Variants in CPS1 observed in about 807,000 individuals in gnomAD.
CPS1 encodes the protein carbamoyl-phosphate synthase 1.
Under a neutral mutation model 174.6 loss-of-function variants are expected in CPS1, and 109 were observed. The ratio of observed to expected loss-of-function variants is 0.62; its 90% CI spans 0.53 to 0.73. The LOEUF is 0.73. Ranked by LOEUF, CPS1 falls within the 30% of genes least tolerant of loss-of-function variation. The probability of loss-of-function intolerance (pLI) is 0.00; values close to 1 mark genes in which losing one functional copy is unlikely to be tolerated. For synonymous variants in CPS1, 637 were observed against 632.0 expected, an observed-to-expected ratio of 1.01 and a Z score of -0.12; for missense variants, 1,689 against 1,821.9, an observed-to-expected ratio of 0.93 and a Z score of 1.33.
At chr2:210,660,458 T>C (rs1700880723) in intron 31 of CPS1, 27 bp from the exon 32 acceptor site, 1 of 1,611,248 alleles carries the variant, frequency 6.2e-7, no homozygotes, top group South Asian at 1.1e-5. Flanking sequence ...AATGTCCTCT[T>C]TCTCATTTTG....
chr2:210,511,464 A>G (rs1033465626), intron 1 of CPS1, among the ~76,000 whole-genome samples: 1 of 152,104 alleles, frequency 6.6e-6, no homozygotes, highest in African/African-American at 2.4e-5. Flanking sequence ...GCACACCAAC[A>G]TGGCACATGT....
intron 13 of CPS1, among the ~76,000 whole-genome samples, chr2:210,599,070 T>G (rs1698607278): frequency 6.6e-6 from 1 of 151,938 alleles, no homozygotes; most frequent in South Asian, 2.1e-4. Flanking sequence ...CAGTAATATT[T>G]GTGGCTCTCT....
chr2:210,615,589 C>T (rs369419451), intron 20 of CPS1, among the ~76,000 whole-genome samples: 2 of 151,938 alleles, frequency 1.3e-5, no homozygotes, highest in African/African-American at 2.4e-5. Context: ...AGGGTATATA[C>T]ACGTACACAT....
intron 1 of CPS1, among the ~76,000 whole-genome samples, chr2:210,507,362 G>A (rs1695316781): frequency 6.6e-6 from 1 of 152,088 alleles, no homozygotes; most frequent in Admixed American, 6.5e-5. Flanking sequence ...TGCCCTAAAA[G>A]AGCTCCTGAA....
intron 1 of CPS1, among the ~76,000 whole-genome samples, chr2:210,548,341 C>T (rs77542832): frequency 0.057 from 8,616 of 151,960 alleles, 350 homozygotes; most frequent in Non-Finnish European, 0.086. Flanking sequence ...TTCCTCATAC[C>T]GAGTTCTTTG....
At chr2:210,663,585 A>T (rs76772145) in intron 33 of CPS1, among the ~76,000 whole-genome samples, 3,855 of 152,266 alleles carry the variant, frequency 0.025, 87 homozygotes, top group Admixed American at 0.044. Context: ...TACTAGTAAT[A>T]TGGAGAATGA....
chr2:210,573,513 G>A (rs1312508169), intron 2 of CPS1, 106 bp downstream of exon 2: 10 of 895,318 alleles, frequency 1.1e-5, no homozygotes, highest in Non-Finnish European at 1.5e-5. Context: ...GTAAGACTAC[G>A]TATTGTCCTG....
intron 25 of CPS1, among the ~76,000 whole-genome samples, chr2:210,644,185 TAGAA>T (rs1356152117): frequency 1.3e-5 from 2 of 152,072 alleles, no homozygotes; most frequent in African/African-American, 4.8e-5. Flanking sequence ...GTCAGTATTA[TAGAA>T]AGAAAGAAGT....
chr2:210,666,486 C>T (rs1365685220), intron 33 of CPS1, among the ~76,000 whole-genome samples: 1 of 152,006 alleles, frequency 6.6e-6, no homozygotes, highest in Non-Finnish European at 1.5e-5. Flanking sequence ...TTTAATCCAT[C>T]TTGAATTAAT....
At chr2:210,590,378 A>G (rs1316524342) in intron 8 of CPS1, 144 bp downstream of exon 8, 1 of 1,264,108 alleles carries the variant, frequency 7.9e-7, no homozygotes, top group Non-Finnish European at 1.1e-6. Flanking sequence ...GTCAGTAGAG[A>G]TATTCTGTAG....
intron 1 of CPS1, among the ~76,000 whole-genome samples, chr2:210,497,778 G>A (rs902391401): frequency 6.6e-6 from 1 of 151,248 alleles, no homozygotes; most frequent in Non-Finnish European, 1.5e-5. Context: ...CACATTTTCT[G>A]TATCCAATCT....
At chr2:210,536,592 C>T (rs532112297) in intron 1 of CPS1, among the ~76,000 whole-genome samples, 2 of 152,250 alleles carry the variant, frequency 1.3e-5, no homozygotes, top group East Asian at 3.9e-4. Context: ...TCCCAAAGTG[C>T]TGGGATTACA....
chr2:210,539,468 A>G (rs1019630456), intron 1 of CPS1, among the ~76,000 whole-genome samples: 3 of 152,172 alleles, frequency 2.0e-5, no homozygotes, highest in African/African-American at 7.2e-5. Context: ...CTACGAGTCT[A>G]ATCTGGTAAG....
chr2:210,596,794 A>G (rs184560568), intron 13 of CPS1, among the ~76,000 whole-genome samples: 1 of 152,038 alleles, frequency 6.6e-6, no homozygotes, highest in Admixed American at 6.6e-5. Context: ...TTTTGCAAAT[A>G]ATTAGAATTT....
At chr2:210,565,786 G>A (rs1462278221) in intron 1 of CPS1, among the ~76,000 whole-genome samples, 1 of 152,090 alleles carries the variant, frequency 6.6e-6, no homozygotes, top group Admixed American at 6.5e-5. Flanking sequence ...CTCCACTCTT[G>A]AACATCAGGC....
chr2:210,648,798 G>C (rs1022637457), intron 27 of CPS1, among the ~76,000 whole-genome samples: 2 of 152,102 alleles, frequency 1.3e-5, no homozygotes, highest in African/African-American at 4.8e-5. Flanking sequence ...CAAACAGAGA[G>C]GGTAGCTTTA....
intron 2 of CPS1, 33 bp from the exon 3 acceptor site, chr2:210,576,294 CTTTGTAGTTACATACATTA>C: frequency 6.3e-7 from 1 of 1,583,392 alleles, no homozygotes. Context: ...CAGATTATAG[CTTTGTAGTTACATACATTA>C]TTTGCTGATA....
chr2:210,486,115 TACACAC>T (rs60740361), intron 1 of CPS1, among the ~76,000 whole-genome samples: 52,095 of 135,230 alleles, frequency 0.39, 10,458 homozygotes, highest in Non-Finnish European at 0.47. Context: ...CACACACACA[TACACAC>T]ACACACACAC....
chr2:210,509,149 G>A (rs1200200868), intron 1 of CPS1, among the ~76,000 whole-genome samples: 5 of 152,122 alleles, frequency 3.3e-5, no homozygotes, highest in East Asian at 1.9e-4. Context: ...CTGGCAAACC[G>A]AATCCAGCAG....
Sources: allele counts gnomAD v4.1 joint callset (sites outside exome capture counted in the v4.1 genomes callset), GRCh38; gene constraint gnomAD v4.1.1; transcripts MANE v1.5; gene names NCBI Gene and HGNC (gene_info 2026-07-23, HGNC 2026-07-21).